Variants in HSP90AA1 observed in about 807,000 individuals in gnomAD.
HSP90AA1 encodes heat shock protein 90 alpha family class A member 1, also known as heat shock protein HSP 90-alpha.
HSP90AA1 carries 18 observed loss-of-function variants against 73.3 expected under a neutral mutation model. That is an observed-to-expected ratio of 0.25 (90% CI 0.17 to 0.36). HSP90AA1 has a LOEUF of 0.36. HSP90AA1 is among the 10% of genes least tolerant of loss of function. HSP90AA1 has a pLI of 1.00. For synonymous variants in HSP90AA1, 477 were observed against 296.9 expected (o/e 1.61, Z -6.24); for missense variants, 704 against 874.2 (o/e 0.81, Z 2.45).
chr14:102,131,209 CTCA>C, intron 1 of HSP90AA1, among the ~76,000 whole-genome samples: 1 of 152,332 alleles, frequency 6.6e-6, no homozygotes, highest in Middle Eastern at 3.4e-3. Context: ...CTCAGCCTTC[CTCA>C]TCTCTGTTAA....
chr14:102,110,094 T>G (rs1022018750), intron 1 of HSP90AA1, among the ~76,000 whole-genome samples: 1 of 150,848 alleles, frequency 6.6e-6, no homozygotes, highest in Non-Finnish European at 1.5e-5. Context: ...CCACCACGCC[T>G]GGCTAATTTT....
upstream of HSP90AA1, among the ~76,000 whole-genome samples, chr14:102,088,905 TTC>T (rs1227088017): frequency 1.8e-5 from 1 of 54,688 alleles, no homozygotes; most frequent in African/African-American, 3.6e-5. Flanking sequence ...TTTTTTTCTT[TTC>T]TTTTTTTTTT....
At chr14:102,134,777 T>C (rs2049961193) in intron 1 of HSP90AA1, among the ~76,000 whole-genome samples, 1 of 152,116 alleles carries the variant, frequency 6.6e-6, no homozygotes, top group Non-Finnish European at 1.5e-5. Flanking sequence ...AGTAGCAAGA[T>C]TTATTGCAAA....
chr14:102,080,919 A>G lies in HSP90AA1; in HGVS notation c.*793T>C, dbSNP rs2049083790. The G allele has an allele frequency of 4.4e-6, 1 of 228,178 alleles. No homozygotes were observed. The highest frequency in any genetic ancestry group is 2.2e-5 in the African/African-American group (1 of 45,012). 14.1% of individuals were successfully genotyped at this position (228,178 alleles called of 1,614,324 possible). On this transcript the variant is annotated 3_prime_UTR_variant, in exon 11 of 11. Coordinates refer to ENST00000216281, the MANE Select transcript of HSP90AA1 (RefSeq NM_005348.4). ...CACACCTGCTGAGTACATGCTGGGA[A>G]GACCATGTCAACCCTTGGAGCAGCT...
upstream of HSP90AA1, among the ~76,000 whole-genome samples, chr14:102,087,514 C>T (rs1440775522): frequency 6.6e-6 from 1 of 151,882 alleles, no homozygotes; most frequent in East Asian, 1.9e-4. Context: ...CGTGCGTGGA[C>T]GGAGAGCGGC....
chr14:102,087,681 C>T (rs1377813372), upstream of HSP90AA1, among the ~76,000 whole-genome samples: 1 of 152,118 alleles, frequency 6.6e-6, no homozygotes, highest in Non-Finnish European at 1.5e-5. Flanking sequence ...GAGGCTGTCC[C>T]GCGGCCTGCG....
chr14:102,084,813 C>G lies in HSP90AA1; in HGVS notation c.849G>C (p.Lys283Asn). 4 of 1,613,190 alleles carry G rather than the reference C, an allele frequency of 2.5e-6. No homozygotes were observed. The highest frequency in any genetic ancestry group is 3.4e-6 in the Non-Finnish European group (4 of 1,179,158). The change falls in exon 5 of 11, where the codon AAG becomes AAC. Residue 283 changes from lysine (K) to asparagine (N), a missense_variant. Physicochemically the swap from Lys to Asn is moderately conservative, Grantham distance 94 (BLOSUM62 0). Coordinates refer to ENST00000216281, the MANE Select transcript of HSP90AA1 (RefSeq NM_005348.4). ...DKKKKKKIKE[K>N]YIDQEELNKT... The stretch of plus-strand genomic sequence containing the variant: ...TGTTGAGCTCTTCTTGATCGATGTA[C>G]TTTTCCTTAATCTTCTTCTTCTTCT...
intron 1 of HSP90AA1, among the ~76,000 whole-genome samples, chr14:102,139,055 G>A (rs2050138133): frequency 6.6e-6 from 1 of 152,090 alleles, no homozygotes; most frequent in South Asian, 2.1e-4. Flanking sequence ...GGTTCCCAAA[G>A]CGCTTCCCCG....
At chr14:102,113,670 G>A (rs185416296) in intron 1 of HSP90AA1, among the ~76,000 whole-genome samples, 8 of 152,022 alleles carry the variant, frequency 5.3e-5, no homozygotes, top group African/African-American at 1.7e-4. Context: ...GTGAGCCACC[G>A]CACCAGGCAT....
rs546125633 is a variant in HSP90AA1 at position 102,104,782 on chromosome 14, A to G, written c.156-2697T>C. The stretch of plus-strand genomic sequence containing the variant: ...TCCAGCCTCTGATAACCATCATTCT[A>G]CTCTCTACCTCTTTTTTAGCTCTCA... On this transcript the variant is annotated intron_variant, in intron 1 of 11. Coordinates refer to the HSP90AA1 transcript ENST00000334701. Among the ~76,000 whole-genome samples, 44 of 151,314 alleles carry G rather than the reference A, an allele frequency of 2.9e-4. No individual in the cohort carries two copies. The South Asian group carries it at 8.6e-3, about 30-fold the overall frequency.
rs530908956 is a variant in HSP90AA1 at position 102,126,902 on chromosome 14, T to C, written c.155+12348A>G. Among the ~76,000 whole-genome samples, 45 of 152,294 alleles carry C rather than the reference T, an allele frequency of 3.0e-4. 1 individual carries two copies. Among genetic ancestry groups the C allele is most frequent in the Middle Eastern group, 6.8e-3 (2 of 294 alleles). On this transcript the variant is annotated intron_variant, in intron 1 of 11. Transcript: ENST00000334701. ...TAACTCCTAAAATGAATTTTTAAATTAACAAATGAATCTTACTTCCTGCCA... is the reference window on the plus strand; with the variant it reads ...TAACTCCTAAAATGAATTTTTAAATCAACAAATGAATCTTACTTCCTGCCA...
chr14:102,093,748 G>A (rs2049389321), intron 2 of HSP90AA1, among the ~76,000 whole-genome samples: 1 of 152,126 alleles, frequency 6.6e-6, no homozygotes, highest in Admixed American at 6.6e-5. Flanking sequence ...CGAGGCGAGT[G>A]GATCACCTGA....
At chr14:102,107,952 A>ATTT (rs3068103) in intron 1 of HSP90AA1, among the ~76,000 whole-genome samples, 206 of 147,828 alleles carry the variant, frequency 1.4e-3, no homozygotes, top group Middle Eastern at 3.4e-3. Context: ...TCTCTCTTAA[A>ATTT]TTTTTTTTTT....
chr14:102,116,114 A>G (rs1332969597), intron 1 of HSP90AA1, among the ~76,000 whole-genome samples: 1 of 151,708 alleles, frequency 6.6e-6, no homozygotes, highest in Non-Finnish European at 1.5e-5. Context: ...ACCACGCCCA[A>G]CTAATTTTTT....
In HSP90AA1 at chr14:102,081,708, G is replaced by A. The variant is rs532698679; in HGVS notation, c.*4C>T. The A allele has an allele frequency of 1.0e-5, 13 of 1,282,216 alleles. No homozygotes were observed. In the East Asian group the frequency reaches 1.6e-4, roughly 16 times the overall value. 79.4% of individuals were successfully genotyped at this position (1,282,216 alleles called of 1,614,324 possible). ...GAACAGGTAAGTCATCCCTCAGCCAGAGATTAGTCTACTTCTTCCATGCGT... is the reference window on the plus strand; with the variant it reads ...GAACAGGTAAGTCATCCCTCAGCCAAAGATTAGTCTACTTCTTCCATGCGT... On this transcript the variant is annotated 3_prime_UTR_variant, in exon 11 of 11. Coordinates refer to ENST00000216281, the MANE Select transcript of HSP90AA1 (RefSeq NM_005348.4).
rs186947478 is a variant in HSP90AA1 at position 102,080,899 on chromosome 14, C to G, written c.*813G>C. On this transcript the variant is annotated 3_prime_UTR_variant, in exon 11 of 11. Transcript: ENST00000216281. ...TGCCTACGTGTGCTCCACCCCACAC[C>G]TGCTGAGTACATGCTGGGAAGACCA... is the stretch of plus-strand genomic sequence containing the variant. 4.4e-6 allele frequency: 1 copy of G among 228,374 alleles called. No individual in the cohort carries two copies. Among genetic ancestry groups the G allele is most frequent in the African/African-American group, 2.2e-5 (1 of 45,132 alleles). The allele number at this position is 228,374 out of a possible 1,614,324, so 14.1% of individuals were successfully genotyped here.
chr14:102,108,358 G>A (rs969362459), intron 1 of HSP90AA1, among the ~76,000 whole-genome samples: 1 of 150,756 alleles, frequency 6.6e-6, no homozygotes, highest in African/African-American at 2.4e-5. Flanking sequence ...CCTCAAGCTA[G>A]GACTACAGCC....
intron 2 of HSP90AA1, among the ~76,000 whole-genome samples, chr14:102,098,217 A>C (rs1000366860): frequency 2.6e-5 from 4 of 151,774 alleles, no homozygotes; most frequent in Non-Finnish European, 5.9e-5. Context: ...GCTGGAGTGC[A>C]GTGGCCTGAT....
chr14:102,115,523 A>G (rs1192157380), intron 1 of HSP90AA1, among the ~76,000 whole-genome samples: 1 of 152,156 alleles, frequency 6.6e-6, no homozygotes, highest in Non-Finnish European at 1.5e-5. Flanking sequence ...ACAGTTTTAC[A>G]CCAACAGCAA....
Sources: gnomAD v4.1 joint callset for allele counts (sites outside exome capture counted in the v4.1 genomes callset) on GRCh38, gnomAD v4.1.1 for gene constraint, MANE v1.5 for transcripts, NCBI Gene and HGNC (gene_info 2026-07-23, HGNC 2026-07-21) for gene names.